Variants in FARS2 observed in about 807,000 individuals in gnomAD.
The protein encoded by FARS2 is phenylalanyl-tRNA synthetase 2, mitochondrial.
In FARS2, 40 loss-of-function variants were observed where a neutral mutation model predicts 46.4. The ratio of observed to expected loss-of-function variants is 0.86; its 90% CI spans 0.67 to 1.12. The LOEUF is 1.12. Among genes scored for constraint, FARS2 ranks in the 50% most tolerant of loss-of-function variants. FARS2 has a pLI of 0.00. For missense variants in FARS2, 513 were observed against 567.9 expected, an observed-to-expected ratio of 0.90 and a Z score of 0.98; for synonymous variants, 234 against 214.9, an observed-to-expected ratio of 1.09 and a Z score of -0.78.
chr6:5,303,148 C>T lies in FARS2; in HGVS notation c.-22+41488C>T, dbSNP rs961760803. On this transcript the variant is annotated intron_variant, in intron 1 of 6. Transcript: ENST00000274680. ...CTTAACTTGAATTTTAAGTCAGTGC[C>T]GTCTGATTTCACAACCTGTATGTGA... Among the ~76,000 whole-genome samples, 52 of 152,102 alleles carry T rather than the reference C, an allele frequency of 3.4e-4. 1 individual carries two copies. Among genetic ancestry groups the T allele is most frequent in the African/African-American group, 9.7e-4 (40 of 41,402 alleles).
At chr6:5,263,432 T>C (rs1243993559) in intron 1 of FARS2, among the ~76,000 whole-genome samples, 1 of 152,256 alleles carries the variant, frequency 6.6e-6, no homozygotes, top group Non-Finnish European at 1.5e-5. Flanking sequence ...TTTACCAATG[T>C]GTTGGACATC....
At chr6:5,708,239 G>C (rs1476185214) in intron 6 of FARS2, among the ~76,000 whole-genome samples, 1 of 152,176 alleles carries the variant, frequency 6.6e-6, no homozygotes, top group Non-Finnish European at 1.5e-5. Context: ...TCATTCCTTA[G>C]ATTTGCCCGG....
At chr6:5,373,931 A>G (rs560100615) in intron 2 of FARS2, among the ~76,000 whole-genome samples, 1 of 151,964 alleles carries the variant, frequency 6.6e-6, no homozygotes, top group Non-Finnish European at 1.5e-5. Flanking sequence ...AAACCATGAC[A>G]TTTGAGACCA....
chr6:5,748,107 C>T (rs1224390896), intron 6 of FARS2, among the ~76,000 whole-genome samples: 2 of 152,156 alleles, frequency 1.3e-5, no homozygotes, highest in Non-Finnish European at 2.9e-5. Context: ...CTTTCTGCTT[C>T]CCTCACCCCT....
At chr6:5,674,343 T>A (rs569459147) in intron 6 of FARS2, among the ~76,000 whole-genome samples, 1 of 152,110 alleles carries the variant, frequency 6.6e-6, no homozygotes, top group Non-Finnish European at 1.5e-5. Context: ...GCCAACTTTC[T>A]TCATTTATTG....
chr6:5,632,637 TCTTCCTTCCTTC>T (rs796749849), intron 6 of FARS2, among the ~76,000 whole-genome samples: 1 of 141,178 alleles, frequency 7.1e-6, no homozygotes, highest in African/African-American at 2.7e-5. Flanking sequence ...CTCCCTCCCT[TCTTCCTTCCTTC>T]CTTCCTTCCT....
chr6:5,722,786 G>A (rs1326458365), intron 6 of FARS2, among the ~76,000 whole-genome samples: 2 of 152,130 alleles, frequency 1.3e-5, no homozygotes, highest in African/African-American at 4.8e-5. Flanking sequence ...GTAGCCTCAG[G>A]AAGTCTCCCC....
intron 1 of FARS2, among the ~76,000 whole-genome samples, chr6:5,362,685 T>C (rs1384464540): frequency 1.3e-5 from 2 of 152,200 alleles, no homozygotes; most frequent in Non-Finnish European, 2.9e-5. Flanking sequence ...TATACTCCTC[T>C]AAATTCCCAC....
At chr6:5,556,201 C>T (rs1582438395) in intron 5 of FARS2, among the ~76,000 whole-genome samples, 1 of 152,102 alleles carries the variant, frequency 6.6e-6, no homozygotes, top group South Asian at 2.1e-4. Context: ...CTAGTTAAAC[C>T]TAACATGTTC....
rs116686002 is a variant in FARS2, at chr6:5,428,573, T to A, written c.773-2468T>A. Among the ~76,000 whole-genome samples, 582 of 152,288 alleles carry A rather than the reference T, an allele frequency of 3.8e-3. 2 individuals carry two copies. The highest frequency in any genetic ancestry group is 0.014 in the African/African-American group (564 of 41,560). ...GCCAAGAGTTATAAAAAAAGAAAGA[T>A]AGAAATTATTTTGTCTGTCAGTCCT... On this transcript the variant is annotated intron_variant, in intron 3 of 6. Transcript: ENST00000274680.
chr6:5,606,302 A>T (rs950927943), intron 5 of FARS2, among the ~76,000 whole-genome samples: 1 of 152,076 alleles, frequency 6.6e-6, no homozygotes, highest in Non-Finnish European at 1.5e-5. Flanking sequence ...GGAAAGATAG[A>T]TTACCTGTGA....
intron 5 of FARS2, among the ~76,000 whole-genome samples, chr6:5,586,679 C>A (rs140434688): frequency 4.2e-4 from 64 of 151,738 alleles, no homozygotes; most frequent in African/African-American, 1.5e-3. Flanking sequence ...TTTGTAGTAC[C>A]CTTGCCTAAT....
intron 1 of FARS2, among the ~76,000 whole-genome samples, chr6:5,320,707 AGTTT>A (rs1260385845): frequency 7.9e-5 from 12 of 152,332 alleles, no homozygotes; most frequent in African/African-American, 2.9e-4. Context: ...TGTCAAAGGG[AGTTT>A]GTTAGTTCAT....
At chr6:5,697,128 A>T (rs1758155521) in intron 6 of FARS2, among the ~76,000 whole-genome samples, 2 of 152,336 alleles carry the variant, frequency 1.3e-5, no homozygotes, top group South Asian at 4.1e-4. Context: ...TTGATTGTCA[A>T]AATTTGGAAA....
chr6:5,438,821 A>T (rs1257022959), intron 4 of FARS2, among the ~76,000 whole-genome samples: 1 of 152,164 alleles, frequency 6.6e-6, no homozygotes, highest in Admixed American at 6.5e-5. Context: ...AAAAAGTTTC[A>T]TATTTTGGAG....
intron 6 of FARS2, among the ~76,000 whole-genome samples, chr6:5,721,551 ATCAT>A (rs1290491033): frequency 2.6e-5 from 4 of 152,212 alleles, no homozygotes; most frequent in African/African-American, 9.7e-5. Context: ...GAAATCGTGC[ATCAT>A]TCAATTAGAA....
chr6:5,427,398 A>ATT (rs1406286304), intron 3 of FARS2, among the ~76,000 whole-genome samples: 1 of 152,212 alleles, frequency 6.6e-6, no homozygotes, highest in Non-Finnish European at 1.5e-5. Flanking sequence ...ACTTTTGTCT[A>ATT]TTTATGTGAA....
At chr6:5,583,645 A>T (rs903175189) in intron 5 of FARS2, among the ~76,000 whole-genome samples, 3 of 151,878 alleles carry the variant, frequency 2.0e-5, no homozygotes, top group Non-Finnish European at 2.9e-5. Context: ...TGTATTTTTT[A>T]AAAACCTATT....
chr6:5,385,017 G>A (rs1361920634), intron 2 of FARS2, among the ~76,000 whole-genome samples: 2 of 152,172 alleles, frequency 1.3e-5, no homozygotes, highest in Non-Finnish European at 2.9e-5. Context: ...TAATTGGCAT[G>A]TGGTGCATTA....
Sources: allele counts gnomAD v4.1 joint callset (sites outside exome capture counted in the v4.1 genomes callset), GRCh38; gene constraint gnomAD v4.1.1; transcripts MANE v1.5; gene names NCBI Gene and HGNC (gene_info 2026-07-23, HGNC 2026-07-21).